SOX5: variants seen among roughly 807,000 people sequenced by gnomAD.
The protein encoded by SOX5 is SRY-box transcription factor 5, also known as transcription factor SOX-5.
SOX5 carries 9 observed loss-of-function variants against 92.0 expected under a neutral mutation model. The ratio of observed to expected loss-of-function variants is 0.10; its 90% CI spans 0.06 to 0.17. The LOEUF (loss-of-function observed/expected upper bound fraction) is 0.17. SOX5 is among the 10% of genes least tolerant of loss of function. The probability of loss-of-function intolerance (pLI) is 1.00; values close to 1 mark genes in which losing one functional copy is unlikely to be tolerated. For synonymous variants in SOX5, 344 were observed against 336.3 expected (o/e 1.02, Z -0.25); for missense variants, 642 against 944.5 (o/e 0.68, Z 4.20).
intron 4 of SOX5, among the ~76,000 whole-genome samples, chr12:24,045,244 A>G (rs10083137): frequency 0.05 from 7,560 of 152,260 alleles, 250 homozygotes; most frequent in Middle Eastern, 0.088. Context: ...TTATTCATTT[A>G]TAAAATAAGA....
intron 4 of SOX5, among the ~76,000 whole-genome samples, chr12:24,104,399 A>G (rs1339244112): frequency 6.6e-6 from 1 of 152,224 alleles, no homozygotes; most frequent in Non-Finnish European, 1.5e-5. Context: ...ATCTAGAGGT[A>G]ACTTCTGGGA....
chr12:23,902,035 CTTTA>C (rs1484838352), intron 1 of SOX5, among the ~76,000 whole-genome samples: 1 of 152,018 alleles, frequency 6.6e-6, no homozygotes, highest in African/African-American at 2.4e-5. Flanking sequence ...AAAATGTTAT[CTTTA>C]TTTAACATGT....
At chr12:23,702,767 TGTGTGC>T (rs2090842464) in intron 6 of SOX5, among the ~76,000 whole-genome samples, 1 of 151,974 alleles carries the variant, frequency 6.6e-6, no homozygotes, top group African/African-American at 2.4e-5. Flanking sequence ...TGTGTGTGTG[TGTGTGC>T]ACGTACACAT....
At chr12:23,605,516 TTTC>T (rs2075135924) in intron 8 of SOX5, among the ~76,000 whole-genome samples, 2 of 150,856 alleles carry the variant, frequency 1.3e-5, no homozygotes, top group African/African-American at 4.8e-5. Flanking sequence ...CACATCCCAG[TTTC>T]TTATTTCTCA....
rs112838517 is a variant in SOX5 at position 23,535,509 on chromosome 12, T to A, written c.1988+944A>T. ...TCATTTTTGCATCTGGTCCTATAAA[T>A]AATGTAGGTGGTCCTATTGGAAAGG... On this transcript the variant is annotated intron_variant, in intron 14 of 14. Transcript: ENST00000451604. 8.3e-3 allele frequency among the ~76,000 whole-genome samples: 1,266 copies of A among 152,368 alleles called. 13 individuals carry two copies. The highest frequency in any genetic ancestry group is 0.013 in the Non-Finnish European group (895 of 68,040).
At chr12:24,427,334 A>C (rs1260927989) in intron 1 of SOX5, among the ~76,000 whole-genome samples, 1 of 152,340 alleles carries the variant, frequency 6.6e-6, no homozygotes, top group East Asian at 1.9e-4. Context: ...TGTTGGTTTA[A>C]ATCACTTATT....
intron 1 of SOX5, among the ~76,000 whole-genome samples, chr12:24,460,276 T>C (rs749423711): frequency 9.9e-5 from 15 of 152,150 alleles, no homozygotes; most frequent in Non-Finnish European, 1.9e-4. Flanking sequence ...ACCACTGAGG[T>C]CATCTCCATG....
At chr12:24,499,832 T>C (rs184368642) in intron 1 of SOX5, among the ~76,000 whole-genome samples, 1 of 151,996 alleles carries the variant, frequency 6.6e-6, no homozygotes, top group East Asian at 1.9e-4. Context: ...TGCTGTTAAC[T>C]ATTGGAACAG....
At chr12:23,563,213 AT>A in intron 11 of SOX5, 44 bp downstream of exon 11, 1 of 1,474,642 alleles carries the variant, frequency 6.8e-7, no homozygotes, top group South Asian at 1.2e-5. Context: ...GCATTAGGCA[AT>A]TTAATTAAGT....
intron 6 of SOX5, among the ~76,000 whole-genome samples, chr12:23,704,119 ATTCCTGTT>A (rs1187379152): frequency 6.6e-6 from 1 of 151,782 alleles, no homozygotes; most frequent in Admixed American, 6.6e-5. Context: ...TCCTTTTCTG[ATTCCTGTT>A]TTCCTCTTCT....
At chr12:23,827,281 T>C (rs894996766) in intron 3 of SOX5, among the ~76,000 whole-genome samples, 3 of 152,360 alleles carry the variant, frequency 2.0e-5, no homozygotes, top group Non-Finnish European at 2.9e-5. Flanking sequence ...TCATGTTTCA[T>C]AATCACCTGT....
chr12:24,131,822 G>A (rs1008546406), intron 4 of SOX5, among the ~76,000 whole-genome samples: 2 of 152,236 alleles, frequency 1.3e-5, no homozygotes, highest in East Asian at 1.9e-4. Flanking sequence ...TTAAAATGGT[G>A]TCTTTGTTTA....
intron 9 of SOX5, among the ~76,000 whole-genome samples, chr12:23,593,073 T>C (rs1951805697): frequency 1.2e-5 from 1 of 86,368 alleles, no homozygotes; most frequent in Non-Finnish European, 3.2e-5. Flanking sequence ...AGTTAGACCC[T>C]GTCTCAAAAA....
At chr12:23,752,617 G>T (rs188343442) in intron 4 of SOX5, among the ~76,000 whole-genome samples, 1 of 151,668 alleles carries the variant, frequency 6.6e-6, no homozygotes, top group Non-Finnish European at 1.5e-5. Context: ...GTTGCCAGCC[G>T]GAGTAAAGGC....
Position 23,915,649 on chromosome 12 carries a change from AG to A in SOX5, c.39-19626del, listed in dbSNP as rs1351698127. ...CATACCAAAACCCCATCCCATTACT[AG>A]GAATTCAGAATATGGTTTTTTGCTA... On this transcript the variant is annotated intron_variant, in intron 1 of 14. Transcript: ENST00000451604. Among the ~76,000 whole-genome samples the A allele has an allele frequency of 2.0e-5, 3 of 152,026 alleles. No homozygotes were observed. The East Asian group carries it at 5.8e-4, about 29-fold the overall frequency.
upstream of SOX5, among the ~76,000 whole-genome samples, chr12:23,955,894 C>T (rs898008820): frequency 1.3e-5 from 2 of 152,112 alleles, no homozygotes; most frequent in African/African-American, 2.4e-5. Flanking sequence ...AGACATTTTA[C>T]CTAGAGGTAG....
intron 4 of SOX5, among the ~76,000 whole-genome samples, chr12:24,199,931 T>A (rs1957355302): frequency 6.6e-6 from 1 of 152,034 alleles, no homozygotes; most frequent in African/African-American, 2.4e-5. Context: ...ATAGGCAGAT[T>A]GCTGAAAAGA....
At chr12:23,733,800 C>A (rs1010805599) in intron 6 of SOX5, among the ~76,000 whole-genome samples, 2 of 152,134 alleles carry the variant, frequency 1.3e-5, no homozygotes, top group Non-Finnish European at 2.9e-5. Context: ...TCATGAATTT[C>A]TCTCCAGATT....
At chr12:24,028,781 T>G (rs1388385227) in intron 4 of SOX5, among the ~76,000 whole-genome samples, 1 of 152,040 alleles carries the variant, frequency 6.6e-6, no homozygotes, top group Non-Finnish European at 1.5e-5. Context: ...CTAGACAATA[T>G]TTATAAGTCC....
Sources: gnomAD v4.1 joint callset for allele counts (sites outside exome capture counted in the v4.1 genomes callset) on GRCh38, gnomAD v4.1.1 for gene constraint, MANE v1.5 for transcripts, NCBI Gene and HGNC (gene_info 2026-07-23, HGNC 2026-07-21) for gene names.